The following ZNF804A variants were observed in gnomAD, a reference collection of about 807,000 sequenced individuals.
The protein encoded by ZNF804A is zinc finger protein 804A.
ZNF804A carries 2 observed loss-of-function variants against 16.5 expected under a neutral mutation model. That is an observed-to-expected ratio of 0.12 (90% CI 0.05 to 0.38). The LOEUF is 0.38. Among genes scored for constraint, ZNF804A ranks in the 10% least tolerant of loss-of-function variants. The pLI is 0.99. For missense variants in ZNF804A, 1,473 were observed against 1,390.7 expected (o/e 1.06, Z -0.94); for synonymous variants, 534 against 489.6 (o/e 1.09, Z -1.20).
rs370776938 is a variant in ZNF804A at position 184,785,493 on chromosome 2, A to C, written c.112-80876A>C. The stretch of plus-strand genomic sequence containing the variant: ...GGTTTTCCTGATATTATGGAGGTGT[A>C]ATGGTTATTAATATTTTTAAGTTTT... On this transcript the variant is annotated intron_variant, in intron 1 of 3. Transcript: ENST00000302277. Among the ~76,000 whole-genome samples the C allele has an allele frequency of 2.0e-5, 3 of 152,040 alleles. No homozygotes were observed. The East Asian group carries it at 5.8e-4, about 30-fold the overall frequency.
Position 184,841,427 on chromosome 2 carries a change from C to T in ZNF804A, c.112-24942C>T, listed in dbSNP as rs933324195. Among the ~76,000 whole-genome samples the T allele has an allele frequency of 2.6e-5, 4 of 152,114 alleles. No homozygotes were observed. The South Asian group carries it at 8.3e-4, about 32-fold the overall frequency. On this transcript the variant is annotated intron_variant, in intron 1 of 3. Transcript: ENST00000302277. ...ACATCTTATAAATATTTTAAAACCT[C>T]ATAGTGTTTCCATTATCTAATTAAT...
chr2:184,699,169 T>C (rs1489541002), intron 1 of ZNF804A, among the ~76,000 whole-genome samples: 1 of 152,092 alleles, frequency 6.6e-6, no homozygotes, highest in Admixed American at 6.6e-5. Flanking sequence ...ATGTTTATAA[T>C]TGGCAATGAT....
rs869292193 is a variant in ZNF804A, at chr2:184,892,483, CTTTTTTTTTT to C, written c.255+25984_255+25993del. ...CTTCTATTCCTCACATTGTTGTGTT[CTTTTTTTTTT>C]TTTTTTTTTTTTATGGAGTCTTGCT... On this transcript the variant is annotated intron_variant, in intron 2 of 3. Coordinates refer to ENST00000302277, the MANE Select transcript of ZNF804A (RefSeq NM_194250.2). Among the ~76,000 whole-genome samples, 3 of 105,742 alleles carry C rather than the reference CTTTTTTTTTT, an allele frequency of 2.8e-5. 1 individual carries two copies. The highest frequency in any genetic ancestry group is 6.4e-4 in the East Asian group (2 of 3,138). 69.4% of individuals were successfully genotyped at this position (105,742 alleles called of 152,430 possible).
intron 1 of ZNF804A, among the ~76,000 whole-genome samples, chr2:184,646,480 C>A (rs188623778): frequency 8.5e-5 from 13 of 152,312 alleles, no homozygotes; most frequent in African/African-American, 3.1e-4. Flanking sequence ...ATTTGCTCAA[C>A]TGGATCAGCA....
chr2:184,939,083 G>C lies in ZNF804A; in HGVS notation c.*57G>C. 1 of 1,570,868 alleles carries C rather than the reference G, an allele frequency of 6.4e-7. No homozygotes were observed. Among genetic ancestry groups the C allele is most frequent in the Admixed American group, 1.8e-5 (1 of 57,050 alleles). ...TGAAAACTATTGCTATATGCGTTAAGTGTTCATCTATGTGGGTACATGGCT... is the reference window on the plus strand; with the variant it reads ...TGAAAACTATTGCTATATGCGTTAACTGTTCATCTATGTGGGTACATGGCT... On this transcript the variant is annotated 3_prime_UTR_variant, in exon 4 of 4. Coordinates refer to ENST00000302277, the MANE Select transcript of ZNF804A (RefSeq NM_194250.2).
At chr2:184,783,145 T>TTG (rs1694397789) in intron 1 of ZNF804A, among the ~76,000 whole-genome samples, 3 of 137,670 alleles carry the variant, frequency 2.2e-5, no homozygotes, top group South Asian at 4.7e-4. Flanking sequence ...TGAGTTTTTT[T>TTG]TTTTTTTTTT....
chr2:184,869,496 G>T (rs182547543), intron 2 of ZNF804A, among the ~76,000 whole-genome samples: 25 of 152,004 alleles, frequency 1.6e-4, no homozygotes, highest in African/African-American at 6.0e-4. Flanking sequence ...ATAATCAAAC[G>T]CCCAATGAGC....
intron 1 of ZNF804A, among the ~76,000 whole-genome samples, chr2:184,852,792 G>A (rs1695626940): frequency 6.6e-6 from 1 of 151,440 alleles, no homozygotes; most frequent in African/African-American, 2.4e-5. Flanking sequence ...TCTCCATTCT[G>A]ATCCATTGGT....
At chr2:184,688,268 A>G (rs1327754523) in intron 1 of ZNF804A, among the ~76,000 whole-genome samples, 1 of 152,138 alleles carries the variant, frequency 6.6e-6, no homozygotes, top group Non-Finnish European at 1.5e-5. Context: ...TTCTCTGCTT[A>G]GGATACTGGG....
chr2:184,930,005 A>T (rs1481919476), intron 2 of ZNF804A, among the ~76,000 whole-genome samples: 3 of 152,080 alleles, frequency 2.0e-5, no homozygotes, highest in African/African-American at 7.3e-5. Context: ...TTTCTGTAAA[A>T]TACGCATAAA....
chr2:184,761,766 A>G (rs770607305), intron 1 of ZNF804A, among the ~76,000 whole-genome samples: 5 of 152,160 alleles, frequency 3.3e-5, no homozygotes, highest in African/African-American at 4.8e-5. Flanking sequence ...CACAGAATGT[A>G]GATGATGTAA....
intron 1 of ZNF804A, among the ~76,000 whole-genome samples, chr2:184,814,031 A>G (rs1398733450): frequency 2.4e-5 from 1 of 40,944 alleles, no homozygotes; most frequent in South Asian, 6.8e-4. Context: ...TGGCTTGTCT[A>G]CTACTCTGTT....
chr2:184,661,688 G>A (rs1692178128), intron 1 of ZNF804A, among the ~76,000 whole-genome samples: 1 of 152,138 alleles, frequency 6.6e-6, no homozygotes, highest in Non-Finnish European at 1.5e-5. Flanking sequence ...CTTTGGTCAT[G>A]GACTCTACCG....
chr2:184,857,120 C>T (rs527721425), intron 1 of ZNF804A, among the ~76,000 whole-genome samples: 2 of 152,078 alleles, frequency 1.3e-5, no homozygotes, highest in South Asian at 4.2e-4. Context: ...TACCAACTTT[C>T]CTCTTTGGAT....
intron 1 of ZNF804A, among the ~76,000 whole-genome samples, chr2:184,783,941 C>G (rs1574210754): frequency 6.6e-6 from 1 of 151,982 alleles, no homozygotes. Flanking sequence ...TTAAGACAAT[C>G]ACCACATTTA....
chr2:184,697,272 A>T (rs1017022870), intron 1 of ZNF804A, among the ~76,000 whole-genome samples: 6 of 152,086 alleles, frequency 3.9e-5, no homozygotes, highest in African/African-American at 1.4e-4. Flanking sequence ...AAGCTAAAAA[A>T]ATATGCTTTC....
intron 1 of ZNF804A, among the ~76,000 whole-genome samples, chr2:184,745,489 T>G (rs540111979): frequency 6.6e-6 from 1 of 151,722 alleles, no homozygotes; most frequent in South Asian, 2.1e-4. Flanking sequence ...ACTGATGCGG[T>G]TTTTCAAGAA....
intron 1 of ZNF804A, among the ~76,000 whole-genome samples, chr2:184,719,519 C>A (rs1055106161): frequency 1.3e-5 from 2 of 152,082 alleles, no homozygotes; most frequent in East Asian, 3.9e-4. Context: ...CCCTTATAAA[C>A]CTGAATGCCT....
intron 1 of ZNF804A, among the ~76,000 whole-genome samples, chr2:184,850,594 C>CT (rs1173935814): frequency 4.3e-4 from 63 of 146,282 alleles, no homozygotes; most frequent in African/African-American, 1.0e-3. Flanking sequence ...CTCTTTCTTT[C>CT]TTTTTTTTTT....
Sources: allele counts gnomAD v4.1 joint callset (sites outside exome capture counted in the v4.1 genomes callset), GRCh38; gene constraint gnomAD v4.1.1; transcripts MANE v1.5; gene names NCBI Gene and HGNC (gene_info 2026-07-23, HGNC 2026-07-21).